The following DOP1B variants were observed in gnomAD, a reference collection of about 807,000 sequenced individuals.
The protein encoded by DOP1B is protein DOP1B.
A neutral mutation model predicts 233.5 loss-of-function variants in DOP1B; 174 were observed. That is an observed-to-expected ratio of 0.75 (90% CI 0.66 to 0.85). The LOEUF (loss-of-function observed/expected upper bound fraction) is 0.85. Among genes scored for constraint, DOP1B ranks in the 40% least tolerant of loss-of-function variants. The pLI, the probability that DOP1B is intolerant of heterozygous loss-of-function variation, is 0.00. For missense variants in DOP1B, 2,652 were observed against 2,846.6 expected (o/e 0.93, Z 1.56); for synonymous variants, 1,190 against 1,185.6 (o/e 1.00, Z -0.08).
rs965204517 is a variant in DOP1B at position 36,169,331 on chromosome 21, ATCT to A, written c.138+4465_138+4467del. On this transcript the variant is annotated intron_variant, in intron 2 of 36. Transcript: ENST00000691173. ...AAGGTAGCCCTGGTCAATCTTACAG[ATCT>A]TCTTGTTGATCTCAGTGTGGTGATG... 39 of 782,346 alleles carry A rather than the reference ATCT, an allele frequency of 5.0e-5. No homozygotes were observed. The East Asian group carries it at 8.6e-4, about 17-fold the overall frequency. 48.5% of individuals were successfully genotyped at this position (782,346 alleles called of 1,614,324 possible).
intron 13 of DOP1B, among the ~76,000 whole-genome samples, chr21:36,228,741 A>G (rs2066722585): frequency 6.6e-6 from 1 of 151,748 alleles, no homozygotes; most frequent in South Asian, 2.1e-4. Context: ...AGTCCAGCCT[A>G]GGCGAAAAAG....
At chr21:36,266,900 G>A (rs555207807) in intron 26 of DOP1B, among the ~76,000 whole-genome samples, 2 of 152,248 alleles carry the variant, frequency 1.3e-5, no homozygotes, top group African/African-American at 4.8e-5. Flanking sequence ...CAGTCCTTAC[G>A]GGAACTCCTC....
intron 4 of DOP1B, among the ~76,000 whole-genome samples, chr21:36,206,160 A>G (rs1450066018): frequency 6.6e-6 from 1 of 152,186 alleles, no homozygotes; most frequent in Non-Finnish European, 1.5e-5. Flanking sequence ...AAGGTTTGTC[A>G]TAGTTGCTGT....
chr21:36,280,662 C>G (rs2067404968), intron 31 of DOP1B, among the ~76,000 whole-genome samples: 1 of 152,180 alleles, frequency 6.6e-6, no homozygotes, highest in Non-Finnish European at 1.5e-5. Flanking sequence ...GAGGACTTTT[C>G]TACACCTCAG....
intron 2 of DOP1B, among the ~76,000 whole-genome samples, chr21:36,182,916 C>T (rs1179121707): frequency 6.6e-6 from 1 of 152,190 alleles, no homozygotes; most frequent in Non-Finnish European, 1.5e-5. Context: ...CTTGCAGGAA[C>T]CAAATGCAGA....
In DOP1B at chr21:36,246,378, C is replaced by T. The variant is rs1421817974; in HGVS notation, c.4398C>T (p.Pro1466=). The change falls in exon 19 of 37, where the codon CCC becomes CCT. Residue 1466 remains proline (P), a synonymous_variant. Coordinates refer to ENST00000691173, the MANE Select transcript of DOP1B (RefSeq NM_001320714.2). This position sits in a 1 kb window ranked among gnomAD's most constrained non-coding sequence, Gnocchi z 5.1. Reference sequence around the variant, plus strand: ...CCCATGAGGAGGCGGAAAACCAGCCCGACCTGTCCCGGGAGTGGCAGAGAG... The same window carrying T: ...CCCATGAGGAGGCGGAAAACCAGCCTGACCTGTCCCGGGAGTGGCAGAGAG... ...GRAHEEAENQ[P]DLSREWQRAL... 7 of 1,613,288 alleles carry T rather than the reference C, an allele frequency of 4.3e-6. No homozygotes were observed. The highest frequency in any genetic ancestry group is 2.2e-5 in the East Asian group (1 of 44,838).
chr21:36,204,490 A>G (rs1279886563), intron 4 of DOP1B, among the ~76,000 whole-genome samples: 1 of 151,982 alleles, frequency 6.6e-6, no homozygotes, highest in Non-Finnish European at 1.5e-5. Flanking sequence ...CATGACCCAC[A>G]TGATCACATT....
At position 36,225,375 on chromosome 21, in the gene DOP1B, G is replaced by A. The variant is rs1426905284; in HGVS notation, c.1371-190G>A. 4.6e-5 allele frequency among the ~76,000 whole-genome samples: 7 copies of A among 152,110 alleles called. 1 individual carries two copies. In the South Asian group the frequency reaches 6.2e-4, roughly 14 times the overall value. ...CTCCCAAGTAGCTAGGACTACAGGC[G>A]TGGGCCACCACACCTGGCTAATTTT... On this transcript the variant is annotated intron_variant, in intron 11 of 36. Transcript: ENST00000691173.
At chr21:36,158,732 G>A (rs1243730677) in intron 1 of DOP1B, among the ~76,000 whole-genome samples, 1 of 150,822 alleles carries the variant, frequency 6.6e-6, no homozygotes, top group African/African-American at 2.4e-5. Context: ...CAATCTAGGA[G>A]GCGCAGGTTG....
At position 36,230,777 on chromosome 21, in the gene DOP1B, A is replaced by G; in HGVS notation, c.1993A>G (p.Arg665Gly). 1.2e-6 allele frequency: 2 copies of G among 1,614,214 alleles called. No individual in the cohort carries two copies. Among genetic ancestry groups the G allele is most frequent in the Non-Finnish European group, 1.7e-6 (2 of 1,180,040 alleles). Reference protein sequence around the residue: ...KSEEPAGKRDRDGTQSLAAND... With the variant: ...KSEEPAGKRDGDGTQSLAAND... Reference sequence around the variant, plus strand: ...CGAGGAGCCTGCAGGGAAGAGGGACAGGGATGGGACGCAGAGCCTGGCAGC... The same window carrying G: ...CGAGGAGCCTGCAGGGAAGAGGGACGGGGATGGGACGCAGAGCCTGGCAGC... Residue 665 changes from arginine to glycine, a missense_variant, in exon 14 of 37, where the codon AGG (arginine) becomes GGG (glycine). Arg to Gly is a moderately radical substitution (Grantham distance 125). Around this residue, in one of 3 missense-constraint regions of DOP1B, gnomAD observed 2,617 missense variants for 2,794.3 expected, o/e 0.94. Transcript: ENST00000691173.
chr21:36,245,445 C>T lies in DOP1B; in HGVS notation c.3465C>T (p.Tyr1155=), dbSNP rs1192024902. 3.7e-6 allele frequency: 6 copies of T among 1,613,976 alleles called. No individual in the cohort carries two copies. The highest frequency in any genetic ancestry group is 5.1e-6 in the Non-Finnish European group (6 of 1,180,048). The change falls in exon 19 of 37, where the codon TAC becomes TAT. Residue 1155 remains tyrosine (Y), a synonymous_variant. Transcript: ENST00000691173. This position sits in a 1 kb window ranked among gnomAD's most constrained non-coding sequence, Gnocchi z 5.5. ...CCATCCCCATGGGGGGCAGGGCGTA[C>T]CCCAAGCGCTCGGCCCTGCTGGCGG... is the stretch of plus-strand genomic sequence containing the variant. ...CAPIPMGGRA[Y]PKRSALLAAF... is the part of the protein sequence containing the mutation.
chr21:36,176,102 G>GCA (rs35840196), intron 2 of DOP1B, among the ~76,000 whole-genome samples: 2 of 148,962 alleles, frequency 1.3e-5, no homozygotes, highest in Non-Finnish European at 3.0e-5. Context: ...GTGTGCGTGT[G>GCA]TGTGTGTGTG....
intron 4 of DOP1B, among the ~76,000 whole-genome samples, chr21:36,207,948 T>G (rs1437022738): frequency 6.6e-6 from 1 of 152,164 alleles, no homozygotes; most frequent in Non-Finnish European, 1.5e-5. Context: ...CTGGCCTTGG[T>G]CAGCGTCAGG....
intron 35 of DOP1B, among the ~76,000 whole-genome samples, chr21:36,290,954 A>G (rs866100160): frequency 4.6e-5 from 7 of 151,218 alleles, no homozygotes; most frequent in South Asian, 2.1e-4. Context: ...TAGGCAACAG[A>G]GCGAGACTCC....
At chr21:36,238,349 G>A (rs1241944003) in intron 16 of DOP1B, among the ~76,000 whole-genome samples, 1 of 152,200 alleles carries the variant, frequency 6.6e-6, no homozygotes, top group Non-Finnish European at 1.5e-5. Context: ...GCAGACCACA[G>A]GGGTGACCCT....
chr21:36,283,363 A>G lies in DOP1B; in HGVS notation c.6160+1752A>G, dbSNP rs1472326991. Among the ~76,000 whole-genome samples, 4 of 152,182 alleles carry G rather than the reference A, an allele frequency of 2.6e-5. No individual in the cohort carries two copies. The South Asian group carries it at 6.2e-4, about 24-fold the overall frequency. On this transcript the variant is annotated intron_variant, in intron 32 of 36. Coordinates refer to ENST00000691173, the MANE Select transcript of DOP1B (RefSeq NM_001320714.2). ...CTCCCAAAGTGCTTGGATTACAGGC[A>G]TGAGCCACCGCACCCAGCCGGAAAG...
chr21:36,207,217 C>T (rs1194722738), intron 4 of DOP1B, among the ~76,000 whole-genome samples: 1 of 149,406 alleles, frequency 6.7e-6, no homozygotes, highest in African/African-American at 2.5e-5. Context: ...CAGAGTCTCA[C>T]TCTGTTGCCC....
chr21:36,191,247 A>G (rs2066230382), intron 2 of DOP1B, among the ~76,000 whole-genome samples: 2 of 130,332 alleles, frequency 1.5e-5, no homozygotes, highest in African/African-American at 6.1e-5. Context: ...ACTTTAAAAA[A>G]CAAGTCAGAA....
intron 6 of DOP1B, 116 bp from the exon 7 acceptor site, chr21:36,211,858 G>A (rs2066501870): frequency 6.7e-7 from 1 of 1,497,034 alleles, no homozygotes; most frequent in Non-Finnish European, 9.2e-7. Context: ...AATGTGTAAG[G>A]AACCAGCCCA....
Sources: allele counts gnomAD v4.1 joint callset (sites outside exome capture counted in the v4.1 genomes callset), GRCh38; gene constraint gnomAD v4.1.1; regional missense constraint gnomAD v4.1.1; non-coding constraint Gnocchi (gnomAD v3.1); transcripts MANE v1.5; gene names NCBI Gene and HGNC (gene_info 2026-07-23, HGNC 2026-07-21).